The following WSCD2 variants were observed in gnomAD, a reference collection of about 807,000 sequenced individuals.
WSCD2 encodes WSC domain sialate O sulfotransferase 2, also known as sialate:O-sulfotransferase 2.
A neutral mutation model predicts 55.7 loss-of-function variants in WSCD2; 28 were observed. That is an observed-to-expected ratio of 0.50 (90% CI 0.37 to 0.69). WSCD2 has a LOEUF of 0.69. Ranked by LOEUF, WSCD2 falls within the 30% of genes least tolerant of loss-of-function variation. WSCD2 has a pLI of 0.00. For synonymous variants in WSCD2, 301 were observed against 301.9 expected (o/e 1.00, Z 0.03); for missense variants, 616 against 762.1 (o/e 0.81, Z 2.26).
intron 6 of WSCD2, among the ~76,000 whole-genome samples, chr12:108,228,292 G>A (rs761652980): frequency 7.9e-5 from 12 of 152,104 alleles, no homozygotes; most frequent in Admixed American, 4.6e-4. Context: ...TCCTTATGCC[G>A]AGCCTCATCT....
At chr12:108,198,657 T>A (rs1450669617) in intron 2 of WSCD2, among the ~76,000 whole-genome samples, 1 of 152,250 alleles carries the variant, frequency 6.6e-6, no homozygotes, top group Non-Finnish European at 1.5e-5. Context: ...CATGTATTAT[T>A]TGAATGAAAT....
chr12:108,170,034 C>T (rs1880069959), intron 1 of WSCD2, among the ~76,000 whole-genome samples: 2 of 152,116 alleles, frequency 1.3e-5, no homozygotes, highest in African/African-American at 4.8e-5. Context: ...GAGAATAAGC[C>T]CCGCAGAACC....
At chr12:108,221,874 A>G (rs1381277863) in intron 4 of WSCD2, among the ~76,000 whole-genome samples, 2 of 152,172 alleles carry the variant, frequency 1.3e-5, no homozygotes, top group Non-Finnish European at 2.9e-5. Flanking sequence ...TGACACTATC[A>G]CCACTACCAC....
chr12:108,177,562 A>G (rs1881055448), intron 1 of WSCD2, among the ~76,000 whole-genome samples: 1 of 152,168 alleles, frequency 6.6e-6, no homozygotes, highest in African/African-American at 2.4e-5. Context: ...AGGGGTTTTT[A>G]TATGGCACAA....
chr12:108,222,456 A>G (rs12831869), intron 4 of WSCD2, among the ~76,000 whole-genome samples: 1 of 152,246 alleles, frequency 6.6e-6, no homozygotes, highest in African/African-American at 2.4e-5. Context: ...TGAAGTGCTC[A>G]GCAGAGCAGA....
intron 4 of WSCD2, among the ~76,000 whole-genome samples, chr12:108,211,659 A>G (rs1156437835): frequency 1.4e-5 from 2 of 147,996 alleles, no homozygotes; most frequent in Non-Finnish European, 3.0e-5. Context: ...ATACATATAT[A>G]TATATATTTT....
chr12:108,243,937 A>G (rs940468939), intron 8 of WSCD2, among the ~76,000 whole-genome samples: 5 of 152,188 alleles, frequency 3.3e-5, no homozygotes, highest in Non-Finnish European at 7.3e-5. Context: ...GGTTCCATAG[A>G]GTTAATTTTA....
chr12:108,140,741 A>G (rs1054372968), intron 1 of WSCD2, among the ~76,000 whole-genome samples: 5 of 152,136 alleles, frequency 3.3e-5, no homozygotes, highest in African/African-American at 1.2e-4. Context: ...CCCCTGCTAC[A>G]GTCCTGAAGC....
At chr12:108,245,225 AC>A (rs1303776795) in intron 8 of WSCD2, among the ~76,000 whole-genome samples, 2 of 143,202 alleles carry the variant, frequency 1.4e-5, no homozygotes, top group African/African-American at 5.5e-5. Flanking sequence ...CGTTGTGTAG[AC>A]TTGGGCAAGT....
At chr12:108,166,726 CTCTT>C (rs764436831) in intron 1 of WSCD2, among the ~76,000 whole-genome samples, 60 of 98,762 alleles carry the variant, frequency 6.1e-4, no homozygotes, top group East Asian at 5.4e-3. Context: ...CTCCTTCTTT[CTCTT>C]TCTTTCTTTC....
rs1880902535 is a variant in WSCD2 at position 108,176,596 on chromosome 12, G to A, written c.-551-18686G>A. Among the ~76,000 whole-genome samples the A allele has an allele frequency of 1.3e-5, 2 of 152,194 alleles. 1 individual carries two copies. Among genetic ancestry groups the A allele is most frequent in the South Asian group, 4.1e-4 (2 of 4,832 alleles). The stretch of plus-strand genomic sequence containing the variant: ...TTCATTTTTGGCAATTACAAATAAA[G>A]TTGCTATAAATATTTGCATGCAGAT... On this transcript the variant is annotated intron_variant, in intron 1 of 8. Coordinates refer to ENST00000547525, the MANE Select transcript of WSCD2 (RefSeq NM_014653.4).
chr12:108,186,417 T>C (rs928340411), intron 1 of WSCD2, among the ~76,000 whole-genome samples: 2 of 152,200 alleles, frequency 1.3e-5, no homozygotes, highest in African/African-American at 4.8e-5. Flanking sequence ...TTGTACCTTC[T>C]GTAGGTTTGG....
chr12:108,206,987 ACTC>A (rs1885468755), intron 3 of WSCD2, among the ~76,000 whole-genome samples: 1 of 152,006 alleles, frequency 6.6e-6, no homozygotes, highest in Non-Finnish European at 1.5e-5. Context: ...CAATATATAA[ACTC>A]CTTGTTTTTC....
chr12:108,152,626 C>G (rs544032162), intron 1 of WSCD2, among the ~76,000 whole-genome samples: 1 of 152,228 alleles, frequency 6.6e-6, no homozygotes, highest in Non-Finnish European at 1.5e-5. Flanking sequence ...ATCCCAGAAG[C>G]CCGAGGGGCC....
intron 6 of WSCD2, among the ~76,000 whole-genome samples, chr12:108,229,583 G>A (rs1888513050): frequency 6.6e-6 from 1 of 152,210 alleles, no homozygotes; most frequent in Non-Finnish European, 1.5e-5. Flanking sequence ...TTAGTGAGGG[G>A]AAAGCCTTGT....
chr12:108,190,012 G>A (rs1355858303), intron 1 of WSCD2, among the ~76,000 whole-genome samples: 1 of 151,848 alleles, frequency 6.6e-6, no homozygotes, highest in Non-Finnish European at 1.5e-5. Flanking sequence ...AATACATATA[G>A]ATATGATATA....
At position 108,243,151 on chromosome 12, in the gene WSCD2, T is replaced by G. The variant is rs555588774; in HGVS notation, c.1345+2607T>G. On this transcript the variant is annotated intron_variant, in intron 8 of 8. Coordinates refer to ENST00000547525, the MANE Select transcript of WSCD2 (RefSeq NM_014653.4). Reference sequence around the variant, plus strand: ...CCTGAATCAGTGGCATCAGCATCCCTTGGGAGCTTGTTGGAAATGCTAAAA... The same window carrying G: ...CCTGAATCAGTGGCATCAGCATCCCGTGGGAGCTTGTTGGAAATGCTAAAA... Among the ~76,000 whole-genome samples the G allele has an allele frequency of 1.8e-4, 27 of 152,378 alleles. No individual in the cohort carries two copies. The South Asian group carries it at 5.6e-3, about 32-fold the overall frequency.
At chr12:108,240,185 C>T (rs887733917) in intron 7 of WSCD2, among the ~76,000 whole-genome samples, 159 bp from the exon 8 acceptor site, 6 of 152,226 alleles carry the variant, frequency 3.9e-5, no homozygotes, top group African/African-American at 1.4e-4. Context: ...ATCCCGGGGT[C>T]CTAGCACAGT....
In WSCD2 at chr12:108,249,323, A is replaced by G. The variant is rs1038959169; in HGVS notation, c.*980A>G. 2 of 152,640 alleles carry G rather than the reference A, an allele frequency of 1.3e-5. No homozygotes were observed. Among genetic ancestry groups the G allele is most frequent in the African/African-American group, 4.8e-5 (2 of 41,446 alleles). 9.5% of individuals were successfully genotyped at this position (152,640 alleles called of 1,614,324 possible). A position where few individuals can be genotyped will look rare whatever the true frequency, so the allele number is the denominator to read the frequency against. On this transcript the variant is annotated 3_prime_UTR_variant, in exon 9 of 9. Coordinates refer to ENST00000547525, the MANE Select transcript of WSCD2 (RefSeq NM_014653.4). The stretch of plus-strand genomic sequence containing the variant: ...GGAACCACACCCAAAATGGACCCCC[A>G]CTACCTTCCCAGACCATATATCTCC...
Sources: allele counts gnomAD v4.1 joint callset (sites outside exome capture counted in the v4.1 genomes callset), GRCh38; gene constraint gnomAD v4.1.1; transcripts MANE v1.5; gene names NCBI Gene and HGNC (gene_info 2026-07-23, HGNC 2026-07-21).